The following OSTN variants were observed in gnomAD, a reference collection of about 807,000 sequenced individuals.
OSTN encodes osteocrin.
In OSTN, 9 loss-of-function variants were observed where a neutral mutation model predicts 12.0. That is an observed-to-expected ratio of 0.75 (90% CI 0.45 to 1.30). The LOEUF is 1.30. Among genes scored for constraint, OSTN ranks in the 50% most tolerant of loss-of-function variants. OSTN has a pLI of 0.00. For synonymous variants in OSTN, 59 were observed against 56.9 expected, an observed-to-expected ratio of 1.04 and a Z score of -0.16; for missense variants, 148 against 152.3, an observed-to-expected ratio of 0.97 and a Z score of 0.15.
At chr3:191,243,845 G>A (rs16866357) in intron 3 of OSTN, among the ~76,000 whole-genome samples, 37,447 of 151,798 alleles carry the variant, frequency 0.25, 5,475 homozygotes, top group South Asian at 0.38. Flanking sequence ...ATTGTTCATC[G>A]TACTCAATTC....
Position 191,231,536 on chromosome 3 carries a change from T to C in OSTN, c.317+12575T>C, listed in dbSNP as rs544053604. Among the ~76,000 whole-genome samples the C allele has an allele frequency of 3.3e-5, 5 of 152,314 alleles. No individual in the cohort carries two copies. In the South Asian group the frequency reaches 1.0e-3, roughly 32 times the overall value. On this transcript the variant is annotated intron_variant, in intron 3 of 4. Transcript: ENST00000682035. ...TTTACTGCTATTTTTTCAAATTCTATGAGACAAGAATTTTACTGCTTCCTT... is the reference window on the plus strand; with the variant it reads ...TTTACTGCTATTTTTTCAAATTCTACGAGACAAGAATTTTACTGCTTCCTT...
intron 3 of OSTN, among the ~76,000 whole-genome samples, chr3:191,242,967 G>GAA (rs142478953): frequency 6.9e-6 from 1 of 145,704 alleles, no homozygotes; most frequent in African/African-American, 2.5e-5. Flanking sequence ...ATGTTTAAAA[G>GAA]AAAAAAAAAA....
chr3:191,206,729 G>A (rs1422244830), intron 1 of OSTN, among the ~76,000 whole-genome samples: 2 of 152,214 alleles, frequency 1.3e-5, no homozygotes, highest in South Asian at 4.1e-4. Flanking sequence ...CAGAGGCAAT[G>A]AAGAGCCTGA....
At chr3:191,258,567 G>T (rs373382681) in intron 4 of OSTN, among the ~76,000 whole-genome samples, 4 of 151,800 alleles carry the variant, frequency 2.6e-5, no homozygotes, top group African/African-American at 9.7e-5. Flanking sequence ...TAGATGACGG[G>T]TTGATGGGTG....
chr3:191,247,581 A>G (rs147154653), intron 3 of OSTN, among the ~76,000 whole-genome samples: 103 of 152,366 alleles, frequency 6.8e-4, no homozygotes, highest in African/African-American at 2.2e-3. Context: ...AGAAGGTTGA[A>G]TAAGTTGAAA....
intron 4 of OSTN, among the ~76,000 whole-genome samples, chr3:191,251,587 T>C (rs1402710051): frequency 6.6e-6 from 1 of 152,218 alleles, no homozygotes; most frequent in Non-Finnish European, 1.5e-5. Context: ...AAATAGTCAG[T>C]ATTTTTTCTC....
chr3:191,200,769 A>G (rs534408734), intron 1 of OSTN, among the ~76,000 whole-genome samples: 2 of 152,304 alleles, frequency 1.3e-5, no homozygotes, highest in Admixed American at 6.5e-5. Flanking sequence ...GAAGTTTAGG[A>G]CTAATCTTTA....
At chr3:191,212,168 C>G (rs1714475373) in intron 1 of OSTN, among the ~76,000 whole-genome samples, 1 of 152,286 alleles carries the variant, frequency 6.6e-6, no homozygotes, top group East Asian at 1.9e-4. Flanking sequence ...GCTCTAATGC[C>G]TTACCACTGT....
chr3:191,226,736 C>T (rs182789883), intron 3 of OSTN, among the ~76,000 whole-genome samples: 41 of 152,170 alleles, frequency 2.7e-4, no homozygotes, highest in Admixed American at 3.9e-4. Context: ...TCATATGCAA[C>T]TTTAAAATGT....
In OSTN at chr3:191,262,960, C is replaced by T; in HGVS notation, c.*107C>T. 1.4e-6 allele frequency: 1 copy of T among 691,158 alleles called. No homozygotes were observed. Among genetic ancestry groups the T allele is most frequent in the East Asian group, 2.7e-5 (1 of 36,946 alleles). The allele number at this position is 691,158 out of a possible 1,614,324, so 42.8% of individuals were successfully genotyped here. A position where few individuals can be genotyped will look rare whatever the true frequency, so the allele number is the denominator to read the frequency against. On this transcript the variant is annotated 3_prime_UTR_variant, in exon 5 of 5. Transcript: ENST00000682035. Reference sequence around the variant, plus strand: ...AATGATTAAACTTTTAAGGAACTGACCTTCTGCAAATCCTTTCCAAAGCTT... The same window carrying T: ...AATGATTAAACTTTTAAGGAACTGATCTTCTGCAAATCCTTTCCAAAGCTT...
At chr3:191,243,449 G>A (rs536473238) in intron 3 of OSTN, among the ~76,000 whole-genome samples, 17 of 152,196 alleles carry the variant, frequency 1.1e-4, no homozygotes, top group African/African-American at 4.1e-4. Context: ...ATATTATACA[G>A]CAGTAAAATA....
chr3:191,244,167 A>G (rs188778133), intron 3 of OSTN, among the ~76,000 whole-genome samples: 4 of 152,234 alleles, frequency 2.6e-5, no homozygotes, highest in African/African-American at 9.6e-5. Context: ...AAAGTTTAAA[A>G]ACATTTTTCC....
Position 191,261,177 on chromosome 3 carries a change from C to A in OSTN, c.*13-1689C>A, listed in dbSNP as rs79980851. Among the ~76,000 whole-genome samples the A allele has an allele frequency of 7.0e-3, 1,073 of 152,266 alleles. 18 individuals are homozygous for A. The highest frequency in any genetic ancestry group is 0.024 in the African/African-American group (1,018 of 41,556). ...CCCAACTGAAGGTGCCAAGGGCTAACTTTAACCTTTGCCCCTCTGAAGGTT... is the reference window on the plus strand; with the variant it reads ...CCCAACTGAAGGTGCCAAGGGCTAAATTTAACCTTTGCCCCTCTGAAGGTT... On this transcript the variant is annotated intron_variant, in intron 4 of 4. Coordinates refer to ENST00000682035, the MANE Select transcript of OSTN (RefSeq NM_198184.2).
chr3:191,226,493 A>G (rs1322912938), intron 3 of OSTN, among the ~76,000 whole-genome samples: 1 of 152,188 alleles, frequency 6.6e-6, no homozygotes, highest in Non-Finnish European at 1.5e-5. Context: ...AAAGACGCAA[A>G]AGCACAAACA....
At chr3:191,215,003 C>CT (rs1714571000) in intron 2 of OSTN, among the ~76,000 whole-genome samples, 1 of 152,244 alleles carries the variant, frequency 6.6e-6, no homozygotes, top group African/African-American at 2.4e-5. Context: ...CAGAGTGAGA[C>CT]TTTGTCTCAA....
In OSTN at chr3:191,236,001, TGAA is replaced by T. The variant is rs530781525; in HGVS notation, c.318-14034_318-14032del. Among the ~76,000 whole-genome samples, 8 of 152,306 alleles carry T rather than the reference TGAA, an allele frequency of 5.3e-5. No individual in the cohort carries two copies. The East Asian group carries it at 1.5e-3, about 29-fold the overall frequency. On this transcript the variant is annotated intron_variant, in intron 3 of 4. Coordinates refer to ENST00000682035, the MANE Select transcript of OSTN (RefSeq NM_198184.2). ...TTTTTCTCAAAGCCCTTTCCCCATA[TGAA>T]GGAGGAAGGAAAATGCCATTGTTTT...
In OSTN at chr3:191,232,331, TAAAAAAAAA is replaced by T. The variant is rs61313474; in HGVS notation, c.317+13392_317+13400del. Among the ~76,000 whole-genome samples the T allele has an allele frequency of 7.4e-5, 5 of 67,494 alleles. No homozygotes were observed. The South Asian group carries it at 1.1e-3, about 15-fold the overall frequency. 44.3% of individuals were successfully genotyped at this position (67,494 alleles called of 152,430 possible). On this transcript the variant is annotated intron_variant, in intron 3 of 4. Transcript: ENST00000682035. ...CTGGGTGACAGAGGGAGACTCTGTC[TAAAAAAAAA>T]AAAAAAAAAAAAAAAAAAAAATTGT...
chr3:191,237,068 G>C (rs1013778361), intron 3 of OSTN, among the ~76,000 whole-genome samples: 12 of 152,130 alleles, frequency 7.9e-5, no homozygotes, highest in Non-Finnish European at 1.5e-4. Context: ...AAGCAGGAGG[G>C]GAAAAATGGC....
intron 3 of OSTN, among the ~76,000 whole-genome samples, chr3:191,244,932 T>C (rs1229368806): frequency 1.3e-5 from 2 of 152,170 alleles, no homozygotes; most frequent in Non-Finnish European, 2.9e-5. Flanking sequence ...CATGAGTTAC[T>C]ATTTTATCCA....
Sources: gnomAD v4.1 joint callset for allele counts (sites outside exome capture counted in the v4.1 genomes callset) on GRCh38, gnomAD v4.1.1 for gene constraint, MANE v1.5 for transcripts, NCBI Gene and HGNC (gene_info 2026-07-23, HGNC 2026-07-21) for gene names.